Variants in CDK16 observed in about 807,000 individuals in gnomAD.
CDK16 encodes the protein cyclin dependent kinase 16, also known as cyclin-dependent kinase 16.
CDK16 carries 2 observed loss-of-function variants against 41.6 expected under a neutral mutation model. That is an observed-to-expected ratio of 0.05 (90% CI 0.02 to 0.15). CDK16 has a LOEUF of 0.15. Ranked by LOEUF, CDK16 falls within the 10% of genes least tolerant of loss-of-function variation. The pLI, the probability that CDK16 is intolerant of heterozygous loss-of-function variation, is 1.00. For synonymous variants in CDK16, 169 were observed against 169.7 expected (o/e 1.00, Z 0.03); for missense variants, 228 against 428.9 (o/e 0.53, Z 4.14).
At chrX:47,218,525 C>G (rs782762591), upstream of CDK16, 5 of 1,013,612 alleles carry the variant, frequency 4.9e-6, no homozygotes, top group Admixed American at 8.1e-5. Context: ...AAACTTCTGC[C>G]AAGATCGGAA....
chrX:47,227,466 G>A lies in CDK16; in HGVS notation c.1372G>A (p.Asp458Asn), dbSNP rs1257317578. 1 of 1,191,304 alleles carries A rather than the reference G, an allele frequency of 8.4e-7. No homozygotes were observed. The change falls in exon 14 of 16, where the codon GAC becomes AAC. Residue 458 changes from aspartate to asparagine, a missense_variant. This residue lies in a region of CDK16 where 91 missense variants were observed against 129.5 expected (regional missense o/e 0.70). Transcript: ENST00000357227. ...GGGGGAGCGGATCCACAAACTTCCTGACAGTGAGTGGAGCTGGGGAATGGA... is the reference window on the plus strand; with the variant it reads ...GGGGGAGCGGATCCACAAACTTCCTAACAGTGAGTGGAGCTGGGGAATGGA... ...SLGERIHKLP[D>N]TTSIFALKEI...
chrX:47,219,349 A>C (rs1230711902), intron 1 of CDK16, among the ~76,000 whole-genome samples: 1 of 108,032 alleles, frequency 9.3e-6, no homozygotes, highest in African/African-American at 3.4e-5. Context: ...TCAAAGGACC[A>C]AAGGGTGTGG....
upstream of CDK16, chrX:47,218,547 A>G (rs1166569435): frequency 2.3e-5 from 25 of 1,087,346 alleles, no homozygotes; most frequent in Non-Finnish European, 3.0e-5. Flanking sequence ...TGAGTACTAA[A>G]CAGCCTCCAC....
intron 1 of CDK16, chrX:47,222,181 A>G (rs1433135580): frequency 8.9e-6 from 1 of 112,240 alleles, no homozygotes; most frequent in East Asian, 2.8e-4. Context: ...TCACCTCAGC[A>G]GAGGTTGGTC....
chrX:47,222,978 A>T, intron 1 of CDK16: 21 of 524,296 alleles, frequency 4.0e-5, no homozygotes, highest in East Asian at 7.9e-5. Context: ...ACCTGGGTAG[A>T]TGAATGGGAT....
chrX:47,223,436 G>T, intron 1 of CDK16, 116 bp from the exon 2 acceptor site: 1 of 986,179 alleles, frequency 1.0e-6, no homozygotes, highest in Non-Finnish European at 1.4e-6. Context: ...TAGTGGTTGA[G>T]TGAGCACTGA....
At chrX:47,224,562 T>C in intron 3 of CDK16, 44 bp downstream of exon 3, 1 of 1,207,609 alleles carries the variant, frequency 8.3e-7, no homozygotes, top group Non-Finnish European at 1.1e-6. Context: ...GAAAAGGGGG[T>C]TGGACCTGGG....
rs745974656 is a variant in CDK16 at position 47,227,372 on chromosome X, C to T, written c.1285-7C>T. On this transcript the variant is annotated splice_region_variant and splice_polypyrimidine_tract_variant and intron_variant, in intron 13 of 15. Coordinates refer to ENST00000357227, the MANE Select transcript of CDK16 (RefSeq NM_006201.5). ...AATACTATCCCCCTCCCCGCACCCCCACTCAGTTTGAGGGTCGAAATCGGA... is the reference window on the plus strand; with the variant it reads ...AATACTATCCCCCTCCCCGCACCCCTACTCAGTTTGAGGGTCGAAATCGGA... 4.3e-5 allele frequency: 52 copies of T among 1,199,040 alleles called. No individual in the cohort carries two copies. In the Admixed American group the frequency reaches 1.1e-3, roughly 25 times the overall value.
Position 47,218,688 on chromosome X carries a change from A to T in CDK16, c.-424A>T. On this transcript the variant is annotated 5_prime_UTR_variant, in exon 1 of 16. Coordinates refer to ENST00000357227, the MANE Select transcript of CDK16 (RefSeq NM_006201.5). ...AGGTGAGTCCCCTCCTTTCCACTTC[A>T]CCCTTCCGAGCGCCTGCGTGCGCAT... 8.6e-7 allele frequency: 1 copy of T among 1,161,756 alleles called. No individual in the cohort carries two copies. Among genetic ancestry groups the T allele is most frequent in the Non-Finnish European group, 1.1e-6 (1 of 871,000 alleles).
chrX:47,222,952 T>TGGGCG, intron 1 of CDK16: 1 of 655,454 alleles, frequency 1.5e-6, no homozygotes, highest in Non-Finnish European at 1.9e-6. Context: ...TGACACACGC[T>TGGGCG]CCCCTCCCCC....
rs1164370513 is a variant in CDK16, at chrX:47,228,897, TC to T, written c.*133del. 7 of 695,308 alleles carry T rather than the reference TC, an allele frequency of 1.0e-5. No homozygotes were observed. The Admixed American group carries it at 1.8e-4, about 18-fold the overall frequency. The allele number at this position is 695,308 out of a possible 1,213,427, so 57.3% of individuals were successfully genotyped here. A position where few individuals can be genotyped will look rare whatever the true frequency, so the allele number is the denominator to read the frequency against. Reference sequence around the variant, plus strand: ...TGAGCCATGTTCACCTGCCCACTTGTCCCCTGCTGCCTGCCCAAACACCCCA... The same window carrying T: ...TGAGCCATGTTCACCTGCCCACTTGTCCCTGCTGCCTGCCCAAACACCCCA... On this transcript the variant is annotated 3_prime_UTR_variant, in exon 16 of 16. Transcript: ENST00000357227.
chrX:47,218,785 T>C lies in CDK16; in HGVS notation c.-327T>C, dbSNP rs1464469457. On this transcript the variant is annotated 5_prime_UTR_variant, in exon 1 of 16. Transcript: ENST00000357227. ...CCTGGGATCCGCCGCCACTCCGCGA[T>C]CAGACCGCTCTGTGCCGCGAGCCGC... 3 of 1,152,866 alleles carry C rather than the reference T, an allele frequency of 2.6e-6. No individual in the cohort carries two copies. Among genetic ancestry groups the C allele is most frequent in the Non-Finnish European group, 3.4e-6 (3 of 869,579 alleles).
At chrX:47,225,305 C>T (rs942463441) in intron 6 of CDK16, among the ~76,000 whole-genome samples, 23 of 112,033 alleles carry the variant, frequency 2.1e-4, no homozygotes, top group African/African-American at 7.5e-4. Context: ...GAATTGCAAA[C>T]CAGGGTTTGG....
At chrX:47,226,942 A>T in intron 11 of CDK16, 33 bp downstream of exon 11, 1 of 1,197,642 alleles carries the variant, frequency 8.3e-7, no homozygotes, top group Non-Finnish European at 1.1e-6. Context: ...CGCTGTGGAG[A>T]CACACGGGGA....
upstream of CDK16, chrX:47,218,616 C>T: frequency 1.7e-6 from 2 of 1,163,972 alleles, no homozygotes; most frequent in African/African-American, 1.8e-5. Flanking sequence ...CTCGCGATGG[C>T]CGCGTCCCCT....
In CDK16 at chrX:47,225,962, C is replaced by T. The variant is rs1435964425; in HGVS notation, c.730-3C>T. The T allele has an allele frequency of 8.3e-7, 1 of 1,203,834 alleles. No homozygotes were observed. ...ATTCCTGTACCACCTCTTCTTTCCT[C>T]AGGACAAGGACCTGAAGCAGTACCT... On this transcript the variant is annotated splice_region_variant and splice_polypyrimidine_tract_variant and intron_variant, in intron 7 of 15. Transcript: ENST00000357227.
In CDK16 at chrX:47,228,610, G is replaced by A. The variant is rs1174698891; in HGVS notation, c.1419G>A (p.Glu473=). The A allele has an allele frequency of 8.3e-7, 1 of 1,209,609 alleles. No homozygotes were observed. Among genetic ancestry groups the A allele is most frequent in the African/African-American group, 1.8e-5 (1 of 57,092 alleles). ...TAAAGGAGATTCAGCTACAAAAGGA[G>A]GCCAGCCTTCGGTCTTCGTCGATGC... The part of the protein sequence containing the change: ...FALKEIQLQK[E]ASLRSSSMPD... The change falls in exon 15 of 16, where the codon GAG becomes GAA. Residue 473 remains glutamate, a synonymous_variant. Transcript: ENST00000357227.
intron 6 of CDK16, 24 bp from the exon 7 acceptor site, chrX:47,225,748 G>T (rs1474155372): frequency 1.8e-6 from 2 of 1,141,180 alleles, no homozygotes; most frequent in Non-Finnish European, 2.4e-6. Context: ...CTCTTCCCCT[G>T]TCCCACTCCC....
Position 47,228,854 on chromosome X carries a change from A to G in CDK16, c.*86A>G, listed in dbSNP as rs771527253. 35 of 950,711 alleles carry G rather than the reference A, an allele frequency of 3.7e-5. No individual in the cohort carries two copies. Among genetic ancestry groups the G allele is most frequent in the Non-Finnish European group, 4.9e-5 (33 of 677,085 alleles). 78.3% of individuals were successfully genotyped at this position (950,711 alleles called of 1,213,427 possible). On this transcript the variant is annotated 3_prime_UTR_variant, in exon 16 of 16. Coordinates refer to ENST00000357227, the MANE Select transcript of CDK16 (RefSeq NM_006201.5). ...GCCCCCAACTACATCTTCCCTGCTT[A>G]CTCTCTGCCTACCTGCCTGAGCCAT...
Sources: allele counts gnomAD v4.1 joint callset (sites outside exome capture counted in the v4.1 genomes callset), GRCh38; gene constraint gnomAD v4.1.1; regional missense constraint gnomAD v4.1.1; transcripts MANE v1.5; gene names NCBI Gene and HGNC (gene_info 2026-07-23, HGNC 2026-07-21).